Variants in ADGRB3 observed in about 807,000 individuals in gnomAD.
The protein encoded by ADGRB3 is brain-specific angiogenesis inhibitor 3.
In ADGRB3, 37 loss-of-function variants were observed where a neutral mutation model predicts 193.4. That is an observed-to-expected ratio of 0.19 (90% CI 0.15 to 0.25). The LOEUF (loss-of-function observed/expected upper bound fraction) is 0.25, where lower values mean the gene tolerates loss of function less well. Ranked by LOEUF, ADGRB3 falls within the 10% of genes least tolerant of loss-of-function variation. The probability of loss-of-function intolerance (pLI) is 1.00; values close to 1 mark genes in which losing one functional copy is unlikely to be tolerated. For missense variants in ADGRB3, 1,637 were observed against 1,852.9 expected, an observed-to-expected ratio of 0.88 and a Z score of 2.14; for synonymous variants, 690 against 644.2, an observed-to-expected ratio of 1.07 and a Z score of -1.08.
chr6:69,353,826 G>T lies in ADGRB3; in HGVS notation c.3460-407G>T, dbSNP rs550724065. On this transcript the variant is annotated intron_variant, in intron 26 of 31. Transcript: ENST00000370598. ...TGCCTGTAATCCCAGCACTTTGAGG[G>T]GCCGAGGTGGGCAGATCACCTGAGG... Among the ~76,000 whole-genome samples the T allele has an allele frequency of 3.9e-5, 6 of 152,266 alleles. No homozygotes were observed. In the East Asian group the frequency reaches 1.2e-3, roughly 29 times the overall value.
chr6:69,270,957 A>G (rs560009245), intron 20 of ADGRB3, among the ~76,000 whole-genome samples: 185 of 152,292 alleles, frequency 1.2e-3, no homozygotes, highest in African/African-American at 4.3e-3. Context: ...TAGTATGACA[A>G]TGTGCTTTTC....
chr6:69,184,843 C>T (rs1765036404), intron 17 of ADGRB3, among the ~76,000 whole-genome samples: 1 of 152,058 alleles, frequency 6.6e-6, no homozygotes, highest in Admixed American at 6.5e-5. Context: ...TAATGTGCCA[C>T]AAAACTTACT....
chr6:68,676,986 G>T (rs1470753572), intron 3 of ADGRB3, among the ~76,000 whole-genome samples: 1 of 152,152 alleles, frequency 6.6e-6, no homozygotes, highest in Admixed American at 6.5e-5. Context: ...AGCCATTTCA[G>T]AATATTGTTT....
At chr6:69,270,802 C>T (rs1012246239) in intron 20 of ADGRB3, among the ~76,000 whole-genome samples, 4 of 152,136 alleles carry the variant, frequency 2.6e-5, no homozygotes, top group Non-Finnish European at 4.4e-5. Context: ...CAAATTAAAT[C>T]AGTGATATGT....
chr6:68,754,153 A>G (rs1213697425), intron 3 of ADGRB3, among the ~76,000 whole-genome samples: 1 of 152,212 alleles, frequency 6.6e-6, no homozygotes, highest in Non-Finnish European at 1.5e-5. Context: ...TAAGGATAAA[A>G]AATGTAGAAA....
chr6:68,939,853 A>T (rs544267361), intron 5 of ADGRB3, among the ~76,000 whole-genome samples: 16 of 152,294 alleles, frequency 1.1e-4, no homozygotes, highest in South Asian at 6.2e-4. Flanking sequence ...GATTTGTCAC[A>T]TTTTGGACAC....
intron 3 of ADGRB3, among the ~76,000 whole-genome samples, chr6:68,821,580 GTTTCTAT>G (rs573318946): frequency 1.3e-5 from 2 of 150,006 alleles, no homozygotes; most frequent in African/African-American, 2.4e-5. Context: ...TTTATTATTT[GTTTCTAT>G]AAAAAAAAAA....
intron 17 of ADGRB3, among the ~76,000 whole-genome samples, chr6:69,157,843 A>G (rs941544816): frequency 5.3e-5 from 8 of 152,180 alleles, no homozygotes; most frequent in Non-Finnish European, 8.8e-5. Context: ...ATAGAGTATA[A>G]TAACAGTATG....
chr6:69,013,165 GA>G (rs1769985861), intron 11 of ADGRB3, among the ~76,000 whole-genome samples: 1 of 152,110 alleles, frequency 6.6e-6, no homozygotes, highest in Non-Finnish European at 1.5e-5. Flanking sequence ...TGAAGGGAAA[GA>G]AAAGTCTCTC....
At chr6:68,903,170 ATTAT>A (rs1260917315) in intron 3 of ADGRB3, among the ~76,000 whole-genome samples, 1 of 152,198 alleles carries the variant, frequency 6.6e-6, no homozygotes, top group Non-Finnish European at 1.5e-5. Context: ...AAGAAGGTAG[ATTAT>A]TTAGGTAGGC....
chr6:69,320,817 A>ATGTGTG (rs1491560826), intron 20 of ADGRB3, among the ~76,000 whole-genome samples: 3 of 104,874 alleles, frequency 2.9e-5, no homozygotes, highest in African/African-American at 4.1e-5. Flanking sequence ...GTGCTTGTGC[A>ATGTGTG]TGTGTGTATG....
chr6:68,994,978 A>G (rs1398503901), intron 11 of ADGRB3, among the ~76,000 whole-genome samples: 4 of 152,130 alleles, frequency 2.6e-5, no homozygotes, highest in African/African-American at 7.2e-5. Flanking sequence ...CTGACACCCT[A>G]ATTTGTATAG....
chr6:69,042,856 A>T (rs1182281080), intron 13 of ADGRB3, among the ~76,000 whole-genome samples: 1 of 152,242 alleles, frequency 6.6e-6, no homozygotes, highest in Non-Finnish European at 1.5e-5. Flanking sequence ...AAACATCAGT[A>T]TAAGGCCACA....
At chr6:69,160,965 A>G (rs953859141) in intron 17 of ADGRB3, among the ~76,000 whole-genome samples, 3 of 152,094 alleles carry the variant, frequency 2.0e-5, no homozygotes, top group Admixed American at 6.6e-5. Flanking sequence ...ATGCCAACTC[A>G]ACACTCAGAC....
At chr6:69,314,351 G>A (rs1037623514) in intron 20 of ADGRB3, among the ~76,000 whole-genome samples, 1 of 151,586 alleles carries the variant, frequency 6.6e-6, no homozygotes, top group African/African-American at 2.4e-5. Flanking sequence ...TATTGTTTGA[G>A]ATACTCACAT....
chr6:68,846,216 G>A (rs1768271989), intron 3 of ADGRB3, among the ~76,000 whole-genome samples: 1 of 152,152 alleles, frequency 6.6e-6, no homozygotes, highest in South Asian at 2.1e-4. Context: ...GCATTCAAGA[G>A]GTGACTTGGG....
chr6:69,288,446 C>T (rs561014444), intron 20 of ADGRB3, among the ~76,000 whole-genome samples: 5 of 151,996 alleles, frequency 3.3e-5, no homozygotes, highest in East Asian at 1.9e-4. Context: ...ATTGCAGCAC[C>T]GTTCACGATA....
chr6:69,156,881 G>A (rs938177163), intron 17 of ADGRB3, among the ~76,000 whole-genome samples: 3 of 152,058 alleles, frequency 2.0e-5, no homozygotes, highest in African/African-American at 7.2e-5. Context: ...AGGGATGTTG[G>A]GTAACACAGC....
At chr6:69,103,326 A>G (rs1466134620) in intron 17 of ADGRB3, among the ~76,000 whole-genome samples, 1 of 152,190 alleles carries the variant, frequency 6.6e-6, no homozygotes, top group Non-Finnish European at 1.5e-5. Flanking sequence ...CAATATATAA[A>G]GAGAAGCTCA....
Sources: allele counts gnomAD v4.1 joint callset (sites outside exome capture counted in the v4.1 genomes callset), GRCh38; gene constraint gnomAD v4.1.1; transcripts MANE v1.5; gene names NCBI Gene and HGNC (gene_info 2026-07-23, HGNC 2026-07-21).